Variants in HIPK2 observed in about 807,000 individuals in gnomAD.
HIPK2 encodes homeodomain-interacting protein kinase 2.
Under a neutral mutation model 113.7 loss-of-function variants are expected in HIPK2, and 27 were observed. The observed-to-expected ratio is 0.24, with a 90% confidence interval of 0.17 to 0.33. The LOEUF (loss-of-function observed/expected upper bound fraction) is 0.33, where lower values mean the gene tolerates loss of function less well. HIPK2 is among the 10% of genes least tolerant of loss of function. The pLI is 1.00. For synonymous variants in HIPK2, 631 were observed against 642.2 expected (o/e 0.98, Z 0.26); for missense variants, 1,257 against 1,588.0 (o/e 0.79, Z 3.54).
intron 7 of HIPK2, among the ~76,000 whole-genome samples, chr7:139,618,930 G>T (rs6969652): frequency 3.3e-5 from 5 of 152,052 alleles, no homozygotes; most frequent in Admixed American, 2.0e-4. Context: ...ACAAAACCAT[G>T]CTGATTTTTG....
At chr7:139,661,197 T>C (rs1016048903) in intron 2 of HIPK2, among the ~76,000 whole-genome samples, 2 of 152,218 alleles carry the variant, frequency 1.3e-5, no homozygotes, top group African/African-American at 4.8e-5. Flanking sequence ...CAAGCTGGTA[T>C]GAACTGGCTC....
intron 5 of HIPK2, 68 bp from the exon 6 acceptor site, chr7:139,626,853 A>AT (rs1445156358): frequency 1.3e-6 from 2 of 1,575,920 alleles, no homozygotes; most frequent in African/African-American, 2.7e-5. Context: ...GGCTCCCCTT[A>AT]TTTTTTGCCC....
rs371975835 is a variant in HIPK2, at chr7:139,573,305, G to A, written c.3219C>T (p.Phe1073=). Residue 1073 remains phenylalanine (F), a synonymous_variant, in exon 15 of 15, where the codon TTC becomes TTT. Transcript: ENST00000406875. ...TPTMAQAPYS[F]PHNSPSHGTV... ...TGCCGTGGCTGGGGCTGTTGTGCGG[G>A]AAGGAGTACGGAGCCTGGGCCATGG... 1 of 1,605,200 alleles carries A rather than the reference G, an allele frequency of 6.2e-7. No individual in the cohort carries two copies. The highest frequency in any genetic ancestry group is 8.5e-7 in the Non-Finnish European group (1 of 1,179,824).
chr7:139,704,131 C>CCA (rs1157756895), intron 2 of HIPK2, among the ~76,000 whole-genome samples: 3 of 129,560 alleles, frequency 2.3e-5, no homozygotes, highest in African/African-American at 8.8e-5. Flanking sequence ...CACACACACA[C>CCA]CACACACACA....
At position 139,718,124 on chromosome 7, in the gene HIPK2, A is replaced by T. The variant is rs143130788; in HGVS notation, c.20-1109T>A. Among the ~76,000 whole-genome samples, 467 of 152,356 alleles carry T rather than the reference A, an allele frequency of 3.1e-3. 2 individuals carry two copies. The highest frequency in any genetic ancestry group is 0.011 in the African/African-American group (442 of 41,580). Reference sequence around the variant, plus strand: ...ACCTATGAGACCGTTATTCTGGAACACTTGTACAAATTACGGTGATACTGA... The same window carrying T: ...ACCTATGAGACCGTTATTCTGGAACTCTTGTACAAATTACGGTGATACTGA... On this transcript the variant is annotated intron_variant, in intron 1 of 14. Transcript: ENST00000406875.
chr7:139,695,478 T>C (rs1003223205), intron 2 of HIPK2, among the ~76,000 whole-genome samples: 1 of 152,206 alleles, frequency 6.6e-6, no homozygotes, highest in South Asian at 2.1e-4. Flanking sequence ...CTGACATCAA[T>C]GCTACATGGG....
intron 6 of HIPK2, among the ~76,000 whole-genome samples, chr7:139,622,652 C>T (rs1214976126): frequency 6.6e-6 from 1 of 152,144 alleles, no homozygotes; most frequent in Non-Finnish European, 1.5e-5. Context: ...AGCTGTGGCT[C>T]AGCTCCCAGG....
chr7:139,728,490 T>G (rs1795657402), intron 1 of HIPK2, among the ~76,000 whole-genome samples: 1 of 152,170 alleles, frequency 6.6e-6, no homozygotes, highest in Non-Finnish European at 1.5e-5. Context: ...TCTCTGTGTG[T>G]CTCTTCACAT....
At chr7:139,628,907 C>T (rs768981093) in intron 5 of HIPK2, 46 bp downstream of exon 5, 4 of 1,514,816 alleles carry the variant, frequency 2.6e-6, no homozygotes, top group Admixed American at 4.0e-5. Flanking sequence ...TCTTGCTGCC[C>T]TTGGTTTTAA....
At chr7:139,604,249 G>A (rs1799539538) in intron 9 of HIPK2, 26 bp from the exon 10 acceptor site, 3 of 1,583,044 alleles carry the variant, frequency 1.9e-6, no homozygotes, top group Non-Finnish European at 1.7e-6. Flanking sequence ...CATGTGCAAT[G>A]ACCATGTTTG....
In HIPK2 at chr7:139,570,162, C is replaced by G. The variant is rs1798218335; in HGVS notation, c.*2765G>C. The G allele has an allele frequency of 2.6e-5, 4 of 152,074 alleles. No individual in the cohort carries two copies. Among genetic ancestry groups the G allele is most frequent in the Admixed American group, 2.0e-4 (3 of 15,268 alleles). 9.4% of individuals were successfully genotyped at this position (152,074 alleles called of 1,614,324 possible). A position where few individuals can be genotyped will look rare whatever the true frequency, so the allele number is the denominator to read the frequency against. ...TGGGGGTGCTCTCCAGTAAGGCGAA[C>G]TGAGGCTCATTTGCAGCCAAGACTT... On this transcript the variant is annotated 3_prime_UTR_variant, in exon 15 of 15. Transcript: ENST00000406875.
chr7:139,601,377 A>G (rs1033933908), intron 10 of HIPK2, among the ~76,000 whole-genome samples: 3 of 152,180 alleles, frequency 2.0e-5, no homozygotes, highest in Admixed American at 2.0e-4. Context: ...TAGCAATACC[A>G]TTTTATTAAA....
intron 2 of HIPK2, among the ~76,000 whole-genome samples, chr7:139,688,342 T>C (rs929150774): frequency 5.9e-5 from 9 of 152,238 alleles, no homozygotes; most frequent in African/African-American, 1.9e-4. Flanking sequence ...ACTCCTCTCC[T>C]TACCGCTCCC....
intron 9 of HIPK2, among the ~76,000 whole-genome samples, chr7:139,607,478 T>G: frequency 6.6e-6 from 1 of 152,130 alleles, no homozygotes; most frequent in East Asian, 1.9e-4. Flanking sequence ...GAGATCAGTG[T>G]GCTCAAACAC....
rs917823472 is a variant in HIPK2 at position 139,631,077 on chromosome 7, T to C, written c.1347+88A>G. The C allele has an allele frequency of 4.7e-5, 70 of 1,490,770 alleles. No homozygotes were observed. The highest frequency in any genetic ancestry group is 4.7e-5 in the Admixed American group (2 of 42,212). The allele number at this position is 1,490,770 out of a possible 1,614,324, so 92.3% of individuals were successfully genotyped here. On this transcript the variant is annotated intron_variant, in intron 4 of 14. Transcript: ENST00000406875. The surrounding 1 kb of genome is among the most constrained non-coding windows in gnomAD (Gnocchi z 4.9). ...CCCCCAGTGCCCTCATTTTGCTGAC[T>C]GAATCAAAAGCTCCCCACTAATGGG...
In HIPK2 at chr7:139,571,655, A is replaced by G. The variant is rs1482870016; in HGVS notation, c.*1272T>C. On this transcript the variant is annotated 3_prime_UTR_variant, in exon 15 of 15. Coordinates refer to ENST00000406875, the MANE Select transcript of HIPK2 (RefSeq NM_022740.5). ...CAACGGGCATTAACATTTTAAAAAGAAAAAGAAAAAGAAAAAAAAAAGGCC... is the reference window on the plus strand; with the variant it reads ...CAACGGGCATTAACATTTTAAAAAGGAAAAGAAAAAGAAAAAAAAAAGGCC... 1 of 152,172 alleles carries G rather than the reference A, an allele frequency of 6.6e-6. No homozygotes were observed. The highest frequency in any genetic ancestry group is 1.5e-5 in the Non-Finnish European group (1 of 68,028). The allele number at this position is 152,172 out of a possible 1,614,324, so 9.4% of individuals were successfully genotyped here. A position where few individuals can be genotyped will look rare whatever the true frequency, so the allele number is the denominator to read the frequency against.
chr7:139,706,145 G>A (rs144490354), intron 2 of HIPK2, among the ~76,000 whole-genome samples: 7 of 152,330 alleles, frequency 4.6e-5, no homozygotes, highest in South Asian at 4.1e-4. Context: ...AAGGTATAAT[G>A]GGACAAGACA....
intron 1 of HIPK2, among the ~76,000 whole-genome samples, chr7:139,749,634 C>T (rs1007441553): frequency 6.6e-6 from 1 of 152,188 alleles, no homozygotes; most frequent in South Asian, 2.1e-4. Context: ...TGAGGTAAGA[C>T]GCCGCTATTA....
chr7:139,671,497 T>A (rs964396752), intron 2 of HIPK2, among the ~76,000 whole-genome samples: 1 of 152,210 alleles, frequency 6.6e-6, no homozygotes, highest in African/African-American at 2.4e-5. Context: ...AAGAACTGTT[T>A]ATCTGATCTG....
Sources: allele counts gnomAD v4.1 joint callset (sites outside exome capture counted in the v4.1 genomes callset), GRCh38; gene constraint gnomAD v4.1.1; non-coding constraint Gnocchi (gnomAD v3.1); transcripts MANE v1.5; gene names NCBI Gene and HGNC (gene_info 2026-07-23, HGNC 2026-07-21).